The following WDR82 variants were observed in gnomAD, a reference collection of about 807,000 sequenced individuals.
WDR82 encodes WD repeat-containing protein 82.
WDR82 carries 8 observed loss-of-function variants against 36.1 expected under a neutral mutation model. The observed-to-expected ratio is 0.22, with a 90% CI of 0.13 to 0.40. The LOEUF (loss-of-function observed/expected upper bound fraction) is 0.40, where lower values mean the gene tolerates loss of function less well. Ranked by LOEUF, WDR82 falls within the 10% of genes least tolerant of loss-of-function variation. The pLI, the probability that WDR82 is intolerant of heterozygous loss-of-function variation, is 1.00. For missense variants in WDR82, 185 were observed against 400.5 expected (o/e 0.46, Z 4.59); for synonymous variants, 129 against 137.8 (o/e 0.94, Z 0.45).
At chr3:52,269,378 G>A (rs1332098757) in intron 2 of WDR82, among the ~76,000 whole-genome samples, 1 of 152,220 alleles carries the variant, frequency 6.6e-6, no homozygotes, top group Non-Finnish European at 1.5e-5. Flanking sequence ...GGGAGGCTGA[G>A]GCAAGAGCAT....
rs1700011877 is a variant in WDR82, at chr3:52,256,615, G to C, written c.*875C>G. On this transcript the variant is annotated 3_prime_UTR_variant, in exon 9 of 9. Coordinates refer to ENST00000296490, the MANE Select transcript of WDR82 (RefSeq NM_025222.4). Reference sequence around the variant, plus strand: ...CTCACTTCACAATACTGGCCCACAGGTAAGTGTGATGTATCTCATGTACAA... The same window carrying C: ...CTCACTTCACAATACTGGCCCACAGCTAAGTGTGATGTATCTCATGTACAA... 1 of 153,746 alleles carries C rather than the reference G, an allele frequency of 6.5e-6. No homozygotes were observed. Among genetic ancestry groups the C allele is most frequent in the Admixed American group, 6.5e-5 (1 of 15,268 alleles). 9.5% of individuals were successfully genotyped at this position (153,746 alleles called of 1,614,324 possible). A position where few individuals can be genotyped will look rare whatever the true frequency, so the allele number is the denominator to read the frequency against.
intron 6 of WDR82, 100 bp from the exon 7 acceptor site, chr3:52,259,366 T>G: frequency 8.3e-7 from 1 of 1,209,210 alleles, no homozygotes; most frequent in East Asian, 2.4e-5. Context: ...TTCCTTTCCA[T>G]GAAACCCTTT....
chr3:52,263,098 A>G lies in WDR82; in HGVS notation c.327-1619T>C, dbSNP rs565701056. On this transcript the variant is annotated intron_variant, in intron 3 of 8. Transcript: ENST00000296490. Reference sequence around the variant, plus strand: ...AGCCAAGATCACACCACTGCATTCCAGCCTGGGAAACAGAGCAAGGCACCG... The same window carrying G: ...AGCCAAGATCACACCACTGCATTCCGGCCTGGGAAACAGAGCAAGGCACCG... Among the ~76,000 whole-genome samples, 9 of 152,370 alleles carry G rather than the reference A, an allele frequency of 5.9e-5. No individual in the cohort carries two copies. The South Asian group carries it at 1.9e-3, about 32-fold the overall frequency.
At chr3:52,267,046 A>G (rs1011908002) in intron 2 of WDR82, 28 bp from the exon 3 acceptor site, 1 of 1,524,802 alleles carries the variant, frequency 6.6e-7, no homozygotes, top group African/African-American at 1.4e-5. Flanking sequence ...AGGTATGATG[A>G]TATCATACTA....
At chr3:52,272,543 C>CAAAAAAAAAAAAAAAAAA (rs538212712) in intron 1 of WDR82, among the ~76,000 whole-genome samples, 10 of 100,232 alleles carry the variant, frequency 1.0e-4, no homozygotes, top group African/African-American at 4.0e-4. Context: ...GACTCCATCT[C>CAAAAAAAAAAAAAAAAAA]AAAAAAAAAA....
Position 52,257,356 on chromosome 3 carries a change from T to G in WDR82, c.*134A>C. On this transcript the variant is annotated 3_prime_UTR_variant, in exon 9 of 9. Transcript: ENST00000296490. ...TTCTTTTGAGCAGATGTACAGCACATCCATGGGAAGGCCATGTAAAAGGAT... is the reference window on the plus strand; with the variant it reads ...TTCTTTTGAGCAGATGTACAGCACAGCCATGGGAAGGCCATGTAAAAGGAT... 1 of 1,229,480 alleles carries G rather than the reference T, an allele frequency of 8.1e-7. No individual in the cohort carries two copies. Among genetic ancestry groups the G allele is most frequent in the Non-Finnish European group, 1.2e-6 (1 of 842,574 alleles). The allele number at this position is 1,229,480 out of a possible 1,614,324, so 76.2% of individuals were successfully genotyped here.
chr3:52,266,546 T>C (rs1328621907), intron 3 of WDR82, among the ~76,000 whole-genome samples: 1 of 152,168 alleles, frequency 6.6e-6, no homozygotes, highest in Non-Finnish European at 1.5e-5. Flanking sequence ...CAAGCGATTC[T>C]CCTGCCTCAG....
chr3:52,276,003 A>G (rs1256068706), intron 1 of WDR82, among the ~76,000 whole-genome samples: 2 of 152,246 alleles, frequency 1.3e-5, no homozygotes, highest in Non-Finnish European at 2.9e-5. Context: ...CATGAAGCAA[A>G]TGCAGAAAAT....
chr3:52,269,932 A>G (rs1700138953), intron 2 of WDR82, among the ~76,000 whole-genome samples: 1 of 152,236 alleles, frequency 6.6e-6, no homozygotes, highest in Non-Finnish European at 1.5e-5. Context: ...TCTACTCTTT[A>G]GATCAAAAAA....
At chr3:52,275,608 G>A (rs147242337) in intron 1 of WDR82, among the ~76,000 whole-genome samples, 3 of 152,224 alleles carry the variant, frequency 2.0e-5, no homozygotes, top group East Asian at 3.9e-4. Context: ...ACGTTGAGCC[G>A]GGCGCAGTGG....
chr3:52,275,954 G>A (rs994030692), intron 1 of WDR82, among the ~76,000 whole-genome samples: 6 of 152,192 alleles, frequency 3.9e-5, no homozygotes, highest in Non-Finnish European at 8.8e-5. Context: ...TCTAAAGGTG[G>A]GGGGAGGCAC....
At chr3:52,274,385 T>G (rs914673046) in intron 1 of WDR82, among the ~76,000 whole-genome samples, 1 of 151,950 alleles carries the variant, frequency 6.6e-6, no homozygotes, top group African/African-American at 2.4e-5. Flanking sequence ...CTGGGCAACC[T>G]GGTGAGAACT....
intron 2 of WDR82, among the ~76,000 whole-genome samples, chr3:52,269,008 T>C (rs1376024825): frequency 1.3e-5 from 2 of 151,678 alleles, no homozygotes; most frequent in Non-Finnish European, 2.9e-5. Context: ...AGAGACGGGG[T>C]TTTCCCAAGT....
rs2107337011 is a variant in WDR82, at chr3:52,266,975, T to C, written c.303A>G (p.Arg101=). The C allele has an allele frequency of 6.2e-7, 1 of 1,611,540 alleles. No individual in the cohort carries two copies. The highest frequency in any genetic ancestry group is 2.2e-5 in the East Asian group (1 of 44,758). ...ACCTTTTGCTATGTCCAGGAAAGTATCTGATGTATTTGTTGTCATGCAAGG... is the reference window on the plus strand; with the variant it reads ...ACCTTTTGCTATGTCCAGGAAAGTACCTGATGTATTTGTTGTCATGCAAGG... The part of the protein sequence containing the change: ...YLSLHDNKYI[R]YFPGHSKRVV... Residue 101 remains arginine (R), a synonymous_variant, in exon 3 of 9, where the codon AGA becomes AGG. Coordinates refer to ENST00000296490, the MANE Select transcript of WDR82 (RefSeq NM_025222.4).
Position 52,259,060 on chromosome 3 carries a change from A to T in WDR82, c.769+137T>A, listed in dbSNP as rs993868388. 8.7e-6 allele frequency: 9 copies of T among 1,030,058 alleles called. No individual in the cohort carries two copies. In the African/African-American group the frequency reaches 1.5e-4, roughly 17 times the overall value. The allele number at this position is 1,030,058 out of a possible 1,614,324, so 63.8% of individuals were successfully genotyped here. A position where few individuals can be genotyped will look rare whatever the true frequency, so the allele number is the denominator to read the frequency against. ...CCAGTCAGGGCAGTTAAAAGACACT[A>T]TGTCCTTGGCATAATGTGCTATACA... On this transcript the variant is annotated intron_variant, in intron 7 of 8. Transcript: ENST00000296490.
chr3:52,268,772 G>A (rs1023973624), intron 2 of WDR82, among the ~76,000 whole-genome samples: 2 of 151,336 alleles, frequency 1.3e-5, no homozygotes, highest in African/African-American at 4.9e-5. Context: ...TCTGCTCTGA[G>A]ATAGGCACAG....
At chr3:52,274,717 A>C (rs1296757110) in intron 1 of WDR82, among the ~76,000 whole-genome samples, 1 of 152,090 alleles carries the variant, frequency 6.6e-6, no homozygotes, top group Non-Finnish European at 1.5e-5. Flanking sequence ...AACATGGCCA[A>C]CATTGTGAAA....
chr3:52,277,418 A>G (rs1293548187), intron 1 of WDR82, among the ~76,000 whole-genome samples: 1 of 150,250 alleles, frequency 6.7e-6, no homozygotes, highest in East Asian at 1.9e-4. Context: ...AGTGTAATAG[A>G]AAAAAAAAAG....
At chr3:52,271,896 G>A (rs1241472246) in intron 1 of WDR82, among the ~76,000 whole-genome samples, 3 of 151,820 alleles carry the variant, frequency 2.0e-5, no homozygotes, top group Non-Finnish European at 4.4e-5. Context: ...AAGTTCGAGA[G>A]CAGCCCAACA....
Sources: gnomAD v4.1 joint callset for allele counts (sites outside exome capture counted in the v4.1 genomes callset) on GRCh38, gnomAD v4.1.1 for gene constraint, MANE v1.5 for transcripts, NCBI Gene and HGNC (gene_info 2026-07-23, HGNC 2026-07-21) for gene names.